Variants in BTBD18 observed in about 807,000 individuals in gnomAD.
BTBD18 encodes the protein BTB domain containing 18, also known as BTB/POZ domain-containing protein 18.
For missense variants in BTBD18, 787 were observed against 846.3 expected, an observed-to-expected ratio of 0.93 and a Z score of 0.87; for synonymous variants, 311 against 324.4, an observed-to-expected ratio of 0.96 and a Z score of 0.44.
rs774530773 is a variant in BTBD18, at chr11:57,745,398, G to T, written c.875C>A (p.Thr292Asn). The change falls in exon 3 of 3, where the codon ACC becomes AAC. Residue 292 changes from threonine (T) to asparagine (N), a missense_variant. Physicochemically the swap from Thr to Asn is moderately conservative, Grantham distance 65. Transcript: ENST00000422652. ...CTGCCGCCAAAGACGCCGGCCAGGG[G>T]TTGCAGGCACTGAGCTAGATCCACT... ...ILSGSSSVPA[T>N]PGRRLWRQRS... is the part of the protein sequence containing the mutation. The T allele has an allele frequency of 2.6e-6, 4 of 1,551,592 alleles. No homozygotes were observed. In the Admixed American group the frequency reaches 7.8e-5, roughly 30 times the overall value.
intron 2 of BTBD18, among the ~76,000 whole-genome samples, chr11:57,750,791 A>G (rs757580156): frequency 1.1e-4 from 17 of 152,218 alleles, no homozygotes; most frequent in South Asian, 2.1e-4. Flanking sequence ...AATCTTCACA[A>G]CCATCCCATT....
chr11:57,744,102 C>A lies in BTBD18; in HGVS notation c.*32G>T. ...TTTGCTAGCTAACATTTCCCACCCTCCCAAGGCCCCTAACCTGCCCTCCCC... is the reference window on the plus strand; with the variant it reads ...TTTGCTAGCTAACATTTCCCACCCTACCAAGGCCCCTAACCTGCCCTCCCC... On this transcript the variant is annotated 3_prime_UTR_variant, in exon 3 of 3. Coordinates refer to ENST00000422652, the MANE Select transcript of BTBD18 (RefSeq NM_001145101.3). 3.9e-5 allele frequency: 49 copies of A among 1,249,206 alleles called. No individual in the cohort carries two copies. Among genetic ancestry groups the A allele is most frequent in the Non-Finnish European group, 4.4e-5 (39 of 894,250 alleles). 77.4% of individuals were successfully genotyped at this position (1,249,206 alleles called of 1,614,324 possible).
chr11:57,752,951 A>C (rs781598664), upstream of BTBD18, among the ~76,000 whole-genome samples: 2 of 152,244 alleles, frequency 1.3e-5, no homozygotes, highest in Non-Finnish European at 2.9e-5. Flanking sequence ...GACCGTGGGG[A>C]TCCGGGAGGC....
At chr11:57,746,713 G>C (rs532363557) in intron 2 of BTBD18, among the ~76,000 whole-genome samples, 4 of 147,288 alleles carry the variant, frequency 2.7e-5, no homozygotes, top group African/African-American at 1.0e-4. Context: ...CCACATGCTT[G>C]AAATCCCAAC....
chr11:57,744,970 G>A lies in BTBD18; in HGVS notation c.1303C>T (p.His435Tyr), dbSNP rs1949160038. 3.2e-6 allele frequency: 5 copies of A among 1,551,642 alleles called. No individual in the cohort carries two copies. The highest frequency in any genetic ancestry group is 3.5e-6 in the Non-Finnish European group (4 of 1,146,954). Reference sequence around the variant, plus strand: ...TTCACCACTGGGTGGTCTGGGGAGTGGCTAGCAGAGACCAGAATGTCTTGT... The same window carrying A: ...TTCACCACTGGGTGGTCTGGGGAGTAGCTAGCAGAGACCAGAATGTCTTGT... ...KLQDILVSAS[H>Y]SPDHPVVKSE... The change falls in exon 3 of 3, where the codon CAC (histidine) becomes TAC (tyrosine). Residue 435 changes from histidine (H) to tyrosine (Y), a missense_variant. Physicochemically the swap from His to Tyr is moderately conservative, Grantham distance 83. Coordinates refer to ENST00000422652, the MANE Select transcript of BTBD18 (RefSeq NM_001145101.3).
At chr11:57,752,736 G>A (rs1949338934), upstream of BTBD18, among the ~76,000 whole-genome samples, 1 of 152,200 alleles carries the variant, frequency 6.6e-6, no homozygotes, top group Non-Finnish European at 1.5e-5. Context: ...AATGTTCAGC[G>A]TTGAGTCAGG....
chr11:57,745,813 C>A lies in BTBD18; in HGVS notation c.460G>T (p.Ala154Ser). The change falls in exon 3 of 3, where the codon GCC (alanine) becomes TCC (serine). Residue 154 changes from alanine (A) to serine (S), a missense_variant. Ala to Ser is a moderately conservative substitution (Grantham distance 99). Transcript: ENST00000422652. ...TGGTGGCTGGGTGTCACCACTCTGG[C>A]AGAGATTGGTGCAGCACTTGTTGGT... ...LQPTSAAPISARVVTPSHHPH... is the reference protein window; with the variant it reads ...LQPTSAAPISSRVVTPSHHPH... 2 of 1,551,522 alleles carry A rather than the reference C, an allele frequency of 1.3e-6. No individual in the cohort carries two copies. Among genetic ancestry groups the A allele is most frequent in the South Asian group, 2.4e-5 (2 of 84,030 alleles).
intron 2 of BTBD18, among the ~76,000 whole-genome samples, chr11:57,750,276 C>T (rs1949280632): frequency 6.6e-6 from 1 of 152,188 alleles, no homozygotes; most frequent in Admixed American, 6.5e-5. Flanking sequence ...ACTCGGGAGG[C>T]TGAGGCGGCA....
chr11:57,745,422 C>T lies in BTBD18; in HGVS notation c.851G>A (p.Ser284Asn). The part of the protein sequence containing the change: ...ICTSKPSSIL[S>N]GSSSVPATPG... ...GGTTGCAGGCACTGAGCTAGATCCA[C>T]TTAAAATGCTGGAAGGCTTTGATGT... The change falls in exon 3 of 3, where the codon AGT becomes AAT. Residue 284 changes from serine (S) to asparagine (N), a missense_variant. Ser to Asn is a conservative substitution (Grantham distance 46). Transcript: ENST00000422652. The T allele has an allele frequency of 6.4e-7, 1 of 1,551,656 alleles. No individual in the cohort carries two copies. Among genetic ancestry groups the T allele is most frequent in the Non-Finnish European group, 8.7e-7 (1 of 1,146,998 alleles).
chr11:57,743,859 C>A lies in BTBD18; in HGVS notation c.*275G>T. On this transcript the variant is annotated 3_prime_UTR_variant, in exon 3 of 3. Coordinates refer to ENST00000422652, the MANE Select transcript of BTBD18 (RefSeq NM_001145101.3). ...TCTGGCCTTGGCTGTTACCTATGACCCACCAGAATTGGGGAGCACACAGTT... is the reference window on the plus strand; with the variant it reads ...TCTGGCCTTGGCTGTTACCTATGACACACCAGAATTGGGGAGCACACAGTT... 3.0e-6 allele frequency: 1 copy of A among 331,640 alleles called. No individual in the cohort carries two copies. Among genetic ancestry groups the A allele is most frequent in the East Asian group, 5.6e-5 (1 of 17,738 alleles). 20.5% of individuals were successfully genotyped at this position (331,640 alleles called of 1,614,324 possible).
At chr11:57,748,432 A>G (rs1262282730) in intron 2 of BTBD18, among the ~76,000 whole-genome samples, 1 of 152,118 alleles carries the variant, frequency 6.6e-6, no homozygotes, top group Non-Finnish European at 1.5e-5. Flanking sequence ...TTTGAATTCA[A>G]GGCCGGGCAC....
rs745718258 is a variant in BTBD18 at position 57,745,401 on chromosome 11, G to A, written c.872C>T (p.Ala291Val). The part of the protein sequence containing the change: ...SILSGSSSVP[A>V]TPGRRLWRQR... Reference sequence around the variant, plus strand: ...CCGCCAAAGACGCCGGCCAGGGGTTGCAGGCACTGAGCTAGATCCACTTAA... The same window carrying A: ...CCGCCAAAGACGCCGGCCAGGGGTTACAGGCACTGAGCTAGATCCACTTAA... Residue 291 changes from alanine to valine, a missense_variant, in exon 3 of 3, where the codon GCA (alanine) becomes GTA (valine). Coordinates refer to ENST00000422652, the MANE Select transcript of BTBD18 (RefSeq NM_001145101.3). The A allele has an allele frequency of 3.2e-6, 5 of 1,551,576 alleles. No homozygotes were observed. The highest frequency in any genetic ancestry group is 1.2e-5 in the South Asian group (1 of 84,058).
rs1387862782 is a variant in BTBD18 at position 57,745,511 on chromosome 11, C to T, written c.762G>A (p.Val254=). 6.5e-7 allele frequency: 1 copy of T among 1,549,560 alleles called. No individual in the cohort carries two copies. The change falls in exon 3 of 3, where the codon GTG becomes GTA. Residue 254 remains valine (V), a synonymous_variant. Coordinates refer to ENST00000422652, the MANE Select transcript of BTBD18 (RefSeq NM_001145101.3). ...TCTTTCTGGGCAACAGGTGTTTGTC[C>T]ACAGAGGGGTACAAGCTGGGTGGGG... ...VLSPPSLYPS[V]DKHLLPRKIR...
At chr11:57,752,957 G>C (rs896460010), upstream of BTBD18, among the ~76,000 whole-genome samples, 1 of 152,238 alleles carries the variant, frequency 6.6e-6, no homozygotes, top group African/African-American at 2.4e-5. Context: ...GGGGATCCGG[G>C]AGGCCCAAAG....
chr11:57,746,022 C>T lies in BTBD18; in HGVS notation c.251G>A (p.Ser84Asn), dbSNP rs1344017505. The change falls in exon 3 of 3, where the codon AGC becomes AAC. Residue 84 changes from serine (S) to asparagine (N), a missense_variant. By Grantham distance (46) the Ser-to-Asn change is conservative (BLOSUM62 1). Coordinates refer to ENST00000422652, the MANE Select transcript of BTBD18 (RefSeq NM_001145101.3). ...VVLELGGLKI[S>N]TLRKLVDFLY... ...GAAGTCCACCAGCTTCCTAAGTGTG[C>T]TGATCTTCAGGCCACCCAGCTCTAG... 1.9e-6 allele frequency: 3 copies of T among 1,551,570 alleles called. No homozygotes were observed. The highest frequency in any genetic ancestry group is 2.6e-6 in the Non-Finnish European group (3 of 1,147,004).
rs531321522 is a variant in BTBD18, at chr11:57,744,011, C to T, written c.*123G>A. 30 of 682,760 alleles carry T rather than the reference C, an allele frequency of 4.4e-5. No individual in the cohort carries two copies. In the African/African-American group the frequency reaches 5.0e-4, roughly 11 times the overall value. 42.3% of individuals were successfully genotyped at this position (682,760 alleles called of 1,614,324 possible). ...CTTAGGGAAGGGAGGAAGGGACCTACAAAGAGCCAGGGTACACCTGCCTCT... is the reference window on the plus strand; with the variant it reads ...CTTAGGGAAGGGAGGAAGGGACCTATAAAGAGCCAGGGTACACCTGCCTCT... On this transcript the variant is annotated 3_prime_UTR_variant, in exon 3 of 3. Transcript: ENST00000422652.
intron 2 of BTBD18, among the ~76,000 whole-genome samples, chr11:57,749,711 T>C (rs1038579795): frequency 2.5e-5 from 3 of 119,654 alleles, no homozygotes; most frequent in Non-Finnish European, 4.7e-5. Flanking sequence ...GACCGCGCAA[T>C]TGCACTTCAG....
Position 57,745,349 on chromosome 11 carries a change from T to C in BTBD18, c.924A>G (p.Pro308=). The stretch of plus-strand genomic sequence containing the variant: ...CTCTGCCTGGTTTTGGCTTGTCCTC[T>C]GGTGTTTCTTTATTTACACTCCTCT... The part of the protein sequence containing the change: ...WRQRSVNKET[P]EDKPKPGRAS... Residue 308 remains proline, a synonymous_variant, in exon 3 of 3, where the codon CCA becomes CCG. Transcript: ENST00000422652. The C allele has an allele frequency of 6.4e-7, 1 of 1,551,762 alleles. No individual in the cohort carries two copies. The highest frequency in any genetic ancestry group is 8.7e-7 in the Non-Finnish European group (1 of 1,147,002).
Position 57,744,058 on chromosome 11 carries a change from C to A in BTBD18, c.*76G>T. The stretch of plus-strand genomic sequence containing the variant: ...CTCTTGTGCTGAGGGCACGTGCCAG[C>A]TTCTCTGCCAGTAAGCCTTTTGCTA... On this transcript the variant is annotated 3_prime_UTR_variant, in exon 3 of 3. Coordinates refer to ENST00000422652, the MANE Select transcript of BTBD18 (RefSeq NM_001145101.3). 1 of 1,149,656 alleles carries A rather than the reference C, an allele frequency of 8.7e-7. No homozygotes were observed. The highest frequency in any genetic ancestry group is 2.6e-5 in the East Asian group (1 of 38,744). The allele number at this position is 1,149,656 out of a possible 1,614,324, so 71.2% of individuals were successfully genotyped here.
Sources: allele counts gnomAD v4.1 joint callset (sites outside exome capture counted in the v4.1 genomes callset), GRCh38; gene constraint gnomAD v4.1.1; transcripts MANE v1.5; gene names NCBI Gene and HGNC (gene_info 2026-07-23, HGNC 2026-07-21).